Variants in SEC24B observed in about 807,000 individuals in gnomAD.
SEC24B encodes the protein SEC24 homolog B, COPII component.
Under a neutral mutation model 142.8 loss-of-function variants are expected in SEC24B, and 45 were observed. The ratio of observed to expected loss-of-function variants is 0.32; its 90% CI spans 0.25 to 0.40. SEC24B has a LOEUF of 0.40. Among genes scored for constraint, SEC24B ranks in the 10% least tolerant of loss-of-function variants. The pLI, the probability that SEC24B is intolerant of heterozygous loss-of-function variation, is 1.00. For missense variants in SEC24B, 1,409 were observed against 1,526.8 expected, an observed-to-expected ratio of 0.92 and a Z score of 1.29; for synonymous variants, 574 against 568.2, an observed-to-expected ratio of 1.01 and a Z score of -0.15.
At chr4:109,444,895 A>T (rs1729291973) in intron 1 of SEC24B, among the ~76,000 whole-genome samples, 1 of 152,202 alleles carries the variant, frequency 6.6e-6, no homozygotes, top group Non-Finnish European at 1.5e-5. Flanking sequence ...AAGAATATAA[A>T]ATTCTTTCAG....
At chr4:109,493,655 G>T (rs1735236302) in intron 5 of SEC24B, among the ~76,000 whole-genome samples, 1 of 148,744 alleles carries the variant, frequency 6.7e-6, no homozygotes, top group Admixed American at 6.7e-5. Flanking sequence ...TTGAGACAGA[G>T]TCTCGCCCTG....
Position 109,525,327 on chromosome 4 carries a change from T to C in SEC24B, c.2633-19T>C. The C allele has an allele frequency of 1.3e-6, 2 of 1,556,664 alleles. No individual in the cohort carries two copies. The highest frequency in any genetic ancestry group is 1.7e-6 in the Non-Finnish European group (2 of 1,153,440). On this transcript the variant is annotated intron_variant, in intron 15 of 23. Transcript: ENST00000265175. ...ATTATTATTTCTATAGCTAATACTTTTTGTATTTCTCTCTAAAGCTTGCAT... is the reference window on the plus strand; with the variant it reads ...ATTATTATTTCTATAGCTAATACTTCTTGTATTTCTCTCTAAAGCTTGCAT...
At chr4:109,476,948 T>C (rs1323008262) in intron 3 of SEC24B, among the ~76,000 whole-genome samples, 1 of 151,468 alleles carries the variant, frequency 6.6e-6, no homozygotes, top group African/African-American at 2.4e-5. Context: ...CCATCCCGGC[T>C]AAAACGGTGA....
At chr4:109,520,917 G>A (rs573272466) in intron 12 of SEC24B, among the ~76,000 whole-genome samples, 200 bp from the exon 13 acceptor site, 13 of 152,206 alleles carry the variant, frequency 8.5e-5, no homozygotes, top group South Asian at 4.1e-4. Context: ...GCTTGAACCC[G>A]GGAGGTGGAG....
At chr4:109,527,101 C>G (rs986753733) in intron 17 of SEC24B, among the ~76,000 whole-genome samples, 1 of 151,778 alleles carries the variant, frequency 6.6e-6, no homozygotes, top group African/African-American at 2.4e-5. Flanking sequence ...CACCTGTAAT[C>G]CCAGCTACTT....
intron 4 of SEC24B, among the ~76,000 whole-genome samples, chr4:109,483,296 G>T (rs1578862920): frequency 6.6e-6 from 1 of 150,842 alleles, no homozygotes; most frequent in East Asian, 2.0e-4. Context: ...AGCCAGGATG[G>T]TCTTGATCTC....
chr4:109,456,015 AGTAT>A (rs1730632488), intron 1 of SEC24B, among the ~76,000 whole-genome samples: 1 of 152,230 alleles, frequency 6.6e-6, no homozygotes, highest in Admixed American at 6.5e-5. Flanking sequence ...CCATGAACAC[AGTAT>A]GTCATTCCAT....
chr4:109,492,563 A>G (rs1431785212), intron 5 of SEC24B, among the ~76,000 whole-genome samples: 1 of 152,224 alleles, frequency 6.6e-6, no homozygotes, highest in Non-Finnish European at 1.5e-5. Flanking sequence ...CTATGTGTTG[A>G]GAGTATTTCA....
At chr4:109,473,299 A>G (rs1561102690) in intron 3 of SEC24B, 113 bp downstream of exon 3, 1 of 638,240 alleles carries the variant, frequency 1.6e-6, no homozygotes, top group Non-Finnish European at 2.4e-6. Flanking sequence ...TGGAATATTA[A>G]CTTACAGTGT....
intron 3 of SEC24B, among the ~76,000 whole-genome samples, chr4:109,478,867 A>G (rs1169659025): frequency 2.0e-5 from 3 of 152,252 alleles, no homozygotes; most frequent in Admixed American, 1.3e-4. Flanking sequence ...ACATCTGAAA[A>G]TTGATTTCCT....
At chr4:109,509,797 T>A (rs1368615333) in intron 7 of SEC24B, among the ~76,000 whole-genome samples, 3 of 152,176 alleles carry the variant, frequency 2.0e-5, no homozygotes, top group Non-Finnish European at 4.4e-5. Context: ...TGTGTACTAT[T>A]TTTCCACCAT....
intron 14 of SEC24B, among the ~76,000 whole-genome samples, chr4:109,524,423 A>G (rs1723993965): frequency 6.6e-6 from 1 of 152,170 alleles, no homozygotes; most frequent in Admixed American, 6.5e-5. Context: ...CTCTTAAGTT[A>G]TTTAACAATA....
At chr4:109,458,150 G>T (rs920399993) in intron 1 of SEC24B, among the ~76,000 whole-genome samples, 8 of 151,666 alleles carry the variant, frequency 5.3e-5, no homozygotes, top group African/African-American at 1.9e-4. Flanking sequence ...TTCAAGGTTG[G>T]TCAACTTAAT....
intron 2 of SEC24B, among the ~76,000 whole-genome samples, chr4:109,465,176 A>G (rs1014010142): frequency 4.6e-5 from 7 of 152,174 alleles, no homozygotes; most frequent in East Asian, 3.9e-4. Context: ...TTTAGCATCC[A>G]TAGTAGAGGC....
chr4:109,511,904 G>A, intron 8 of SEC24B, 53 bp from the exon 9 acceptor site: 2 of 1,592,546 alleles, frequency 1.3e-6, no homozygotes, highest in Non-Finnish European at 1.7e-6. Context: ...TGTACGTTCT[G>A]TTTTTCCTTG....
intron 3 of SEC24B, among the ~76,000 whole-genome samples, chr4:109,475,298 T>C (rs1377170765): frequency 6.6e-6 from 1 of 152,246 alleles, no homozygotes; most frequent in African/African-American, 2.4e-5. Context: ...GAGTCAGGGC[T>C]ACCACATATG....
chr4:109,518,885 C>T lies in SEC24B; in HGVS notation c.2127-1481C>T, dbSNP rs1052664197. On this transcript the variant is annotated intron_variant, in intron 11 of 23. Coordinates refer to ENST00000265175, the MANE Select transcript of SEC24B (RefSeq NM_006323.5). ...ACAGTGGTGTGATCTCTGCTCGCTG[C>T]AGCCTTGACCTCCCAGGCTCAAGTG... Among the ~76,000 whole-genome samples the T allele has an allele frequency of 6.7e-5, 10 of 149,642 alleles. No homozygotes were observed. The Admixed American group carries it at 6.7e-4, about 10-fold the overall frequency.
chr4:109,482,979 T>TACACACACACACACACACACAC (rs1554001099), intron 4 of SEC24B, among the ~76,000 whole-genome samples: 2 of 26,418 alleles, frequency 7.6e-5, no homozygotes, highest in African/African-American at 2.4e-4. Flanking sequence ...TATATATATA[T>TACACACACACACACACACACAC]ACACACACAC....
At chr4:109,515,485 C>CA (rs1005261531) in intron 10 of SEC24B, among the ~76,000 whole-genome samples, 1 of 152,014 alleles carries the variant, frequency 6.6e-6, no homozygotes, top group African/African-American at 2.4e-5. Context: ...TTACTTGAGA[C>CA]AGAGTTTCAC....
Sources: allele counts gnomAD v4.1 joint callset (sites outside exome capture counted in the v4.1 genomes callset), GRCh38; gene constraint gnomAD v4.1.1; transcripts MANE v1.5; gene names NCBI Gene and HGNC (gene_info 2026-07-23, HGNC 2026-07-21).